The following FAM227B variants were observed in gnomAD, a reference collection of about 807,000 sequenced individuals.
FAM227B encodes the protein family with sequence similarity 227 member B.
In FAM227B, 88 loss-of-function variants were observed where a neutral mutation model predicts 73.8. That is an observed-to-expected ratio of 1.19 (90% CI 1.00 to 1.42). The LOEUF (loss-of-function observed/expected upper bound fraction) is 1.42, where lower values mean the gene tolerates loss of function less well. FAM227B is among the 40% of genes most tolerant of loss of function. The pLI is 0.00. For synonymous variants in FAM227B, 210 were observed against 190.5 expected (o/e 1.10, Z -0.84); for missense variants, 632 against 590.9 (o/e 1.07, Z -0.72).
intron 13 of FAM227B, among the ~76,000 whole-genome samples, chr15:49,361,235 G>A (rs1288638197): frequency 2.0e-5 from 3 of 152,138 alleles, no homozygotes; most frequent in African/African-American, 7.2e-5. Flanking sequence ...TATTACCTAT[G>A]ATGCAAATTT....
intron 11 of FAM227B, among the ~76,000 whole-genome samples, chr15:49,444,050 C>T (rs1208380186): frequency 6.6e-6 from 1 of 151,632 alleles, no homozygotes; most frequent in Non-Finnish European, 1.5e-5. Context: ...TAACATTGTG[C>T]TGGGCAAACA....
At position 49,544,898 on chromosome 15, in the gene FAM227B, T is replaced by G. The variant is rs573745577; in HGVS notation, c.748-3092A>C. Among the ~76,000 whole-genome samples, 11 of 152,292 alleles carry G rather than the reference T, an allele frequency of 7.2e-5. No individual in the cohort carries two copies. The South Asian group carries it at 2.3e-3, about 32-fold the overall frequency. On this transcript the variant is annotated intron_variant, in intron 9 of 15. Transcript: ENST00000299338. ...GATATTTTTGATATGCTGTTGGAAT[T>G]GGTTAGCTAGTATTTCGTTGAGGAT... is the stretch of plus-strand genomic sequence containing the variant.
intron 11 of FAM227B, chr15:49,424,119 A>G: frequency 1.9e-6 from 1 of 514,704 alleles, no homozygotes; most frequent in South Asian, 3.8e-5. Context: ...TTAAGGAGGA[A>G]TCCTGTGTTG....
At chr15:49,549,320 T>C (rs564974870) in intron 9 of FAM227B, among the ~76,000 whole-genome samples, 2 of 104,422 alleles carry the variant, frequency 1.9e-5, no homozygotes, top group Non-Finnish European at 4.2e-5. Flanking sequence ...TTTGCATATG[T>C]ATTTTATTTA....
At chr15:49,563,273 C>T (rs1297195534) in intron 9 of FAM227B, among the ~76,000 whole-genome samples, 1 of 151,994 alleles carries the variant, frequency 6.6e-6, no homozygotes, top group Non-Finnish European at 1.5e-5. Context: ...CCCAGGAATG[C>T]AGCTAACCAG....
At position 49,329,559 on chromosome 15, in the gene FAM227B, T is replaced by C. The variant is rs563682553; in HGVS notation, c.1420-884A>G. On this transcript the variant is annotated intron_variant, in intron 15 of 15. Coordinates refer to ENST00000299338, the MANE Select transcript of FAM227B (RefSeq NM_152647.3). The stretch of plus-strand genomic sequence containing the variant: ...TTTCTTAAAGGATAACAGTCATACA[T>C]AGAATACTAGGAAAGCCAATATTCT... The C allele has an allele frequency of 2.8e-5, 28 of 984,888 alleles. No individual in the cohort carries two copies. The South Asian group carries it at 9.4e-4, about 33-fold the overall frequency. 61.0% of individuals were successfully genotyped at this position (984,888 alleles called of 1,614,324 possible).
rs148084166 is a variant in FAM227B, at chr15:49,512,164, C to T, written c.875-3816G>A. Among the ~76,000 whole-genome samples, 301 of 152,154 alleles carry T rather than the reference C, an allele frequency of 2.0e-3. 1 individual carries two copies. The highest frequency in any genetic ancestry group is 6.9e-3 in the African/African-American group (287 of 41,520). On this transcript the variant is annotated intron_variant, in intron 10 of 15. Transcript: ENST00000299338. ...AATTTTCAACTTACATAAAGACTTC[C>T]TATTTTTTGATCATAGTTTCTAATG... is the stretch of plus-strand genomic sequence containing the variant.
intron 11 of FAM227B, among the ~76,000 whole-genome samples, chr15:49,388,571 C>A (rs144634461): frequency 2.8e-4 from 42 of 151,712 alleles, no homozygotes; most frequent in African/African-American, 1.0e-3. Flanking sequence ...AGACACTGAC[C>A]TAGGCAAAGA....
intron 13 of FAM227B, among the ~76,000 whole-genome samples, chr15:49,362,862 A>G (rs2044489209): frequency 6.6e-6 from 1 of 152,106 alleles, no homozygotes; most frequent in African/African-American, 2.4e-5. Flanking sequence ...GTTTCCCAGC[A>G]CCATTTATTG....
intron 11 of FAM227B, among the ~76,000 whole-genome samples, chr15:49,507,840 T>TAA (rs1460656367): frequency 6.6e-6 from 1 of 152,046 alleles, no homozygotes; most frequent in East Asian, 1.9e-4. Flanking sequence ...TTTATAATCT[T>TAA]AGTTAAGTCT....
At chr15:49,357,255 A>G (rs1279783058) in intron 13 of FAM227B, among the ~76,000 whole-genome samples, 2 of 151,112 alleles carry the variant, frequency 1.3e-5, no homozygotes, top group Non-Finnish European at 1.5e-5. Flanking sequence ...TGAAGGAAAT[A>G]GAGACACAAA....
intron 11 of FAM227B, among the ~76,000 whole-genome samples, chr15:49,466,620 C>G (rs1427740347): frequency 1.3e-5 from 2 of 151,908 alleles, no homozygotes; most frequent in Non-Finnish European, 2.9e-5. Flanking sequence ...GTCAGAAGGG[C>G]TGGAGGCAAA....
At chr15:49,365,453 CA>C (rs1200232613) in intron 13 of FAM227B, 1 of 908,450 alleles carries the variant, frequency 1.1e-6, no homozygotes, top group African/African-American at 1.6e-5. Flanking sequence ...ATAATGTCTC[CA>C]AAGCCCAATA....
chr15:49,355,343 A>G (rs1249091343), intron 13 of FAM227B, among the ~76,000 whole-genome samples: 1 of 152,236 alleles, frequency 6.6e-6, no homozygotes, highest in African/African-American at 2.4e-5. Flanking sequence ...AAACTTTGAA[A>G]AAAATTTAGC....
chr15:49,347,325 A>C (rs1431472412), intron 13 of FAM227B, among the ~76,000 whole-genome samples: 1 of 152,228 alleles, frequency 6.6e-6, no homozygotes, highest in Non-Finnish European at 1.5e-5. Flanking sequence ...AGACAGAAGA[A>C]CTATAAAATT....
intron 11 of FAM227B, among the ~76,000 whole-genome samples, chr15:49,478,487 A>C (rs957464025): frequency 1.3e-5 from 2 of 152,164 alleles, no homozygotes; most frequent in Non-Finnish European, 2.9e-5. Context: ...TATAATAGTT[A>C]AGATTTCCCA....
At chr15:49,357,087 G>A (rs1438466534) in intron 13 of FAM227B, among the ~76,000 whole-genome samples, 4 of 151,398 alleles carry the variant, frequency 2.6e-5, no homozygotes, top group South Asian at 2.1e-4. Context: ...TCAAAGCAGT[G>A]TGTAGAGGGA....
chr15:49,371,863 A>C (rs868504954), intron 11 of FAM227B, among the ~76,000 whole-genome samples: 18 of 144,624 alleles, frequency 1.2e-4, no homozygotes, highest in South Asian at 9.0e-4. Flanking sequence ...ACTTATAAAT[A>C]AATGAAATAA....
chr15:49,365,054 A>C, intron 13 of FAM227B: 1 of 548,740 alleles, frequency 1.8e-6, no homozygotes, highest in East Asian at 2.9e-5. Context: ...TCAATTCAAA[A>C]ATCAATTTAA....
Sources: gnomAD v4.1 joint callset for allele counts (sites outside exome capture counted in the v4.1 genomes callset) on GRCh38, gnomAD v4.1.1 for gene constraint, MANE v1.5 for transcripts, NCBI Gene and HGNC (gene_info 2026-07-23, HGNC 2026-07-21) for gene names.